Variants in TUBGCP5 observed in about 807,000 individuals in gnomAD.
TUBGCP5 encodes tubulin gamma complex component 5.
A neutral mutation model predicts 134.7 loss-of-function variants in TUBGCP5; 98 were observed. That is an observed-to-expected ratio of 0.73 (90% CI 0.62 to 0.86). The LOEUF (loss-of-function observed/expected upper bound fraction) is 0.86. Among genes scored for constraint, TUBGCP5 ranks in the 40% least tolerant of loss-of-function variants. TUBGCP5 has a pLI of 0.00. For synonymous variants in TUBGCP5, 456 were observed against 431.4 expected (o/e 1.06, Z -0.71); for missense variants, 1,150 against 1,244.8 (o/e 0.92, Z 1.15).
intron 22 of TUBGCP5, chr15:23,000,306 C>A (rs2064296472): frequency 7.9e-7 from 1 of 1,270,556 alleles, no homozygotes; most frequent in South Asian, 3.2e-5. Context: ...GAAATCTATT[C>A]TGCCATCAAC....
Position 23,011,217 on chromosome 15 carries a change from T to C in TUBGCP5, c.1871A>G (p.Asn624Ser), listed in dbSNP as rs752508968. 6.2e-6 allele frequency: 10 copies of C among 1,613,960 alleles called. No homozygotes were observed. The East Asian group carries it at 2.0e-4, about 32-fold the overall frequency. Reference sequence around the variant, plus strand: ...AGCAATGGACTGCATCTTCATCAGGTTCTCCTTGGTTGCCTGTTGCTCAGT... The same window carrying C: ...AGCAATGGACTGCATCTTCATCAGGCTCTCCTTGGTTGCCTGTTGCTCAGT... ...VLTEQQATKE[N>S]LMKMQSIAES... Residue 624 changes from asparagine to serine, a missense_variant, in exon 14 of 23, where the codon AAC becomes AGC. By Grantham distance (46) the Asn-to-Ser change is conservative (BLOSUM62 1). This residue lies in a region of TUBGCP5 where 697 missense variants were observed against 850.1 expected (regional missense o/e 0.82). Coordinates refer to ENST00000615383, the MANE Select transcript of TUBGCP5 (RefSeq NM_052903.6).
chr15:22,991,577 G>A (rs1233878674), intron 23 of TUBGCP5, among the ~76,000 whole-genome samples: 1 of 152,146 alleles, frequency 6.6e-6, no homozygotes, highest in East Asian at 1.9e-4. Context: ...TGGCTCACAC[G>A]TGTTGTGGGT....
chr15:23,027,639 G>A (rs369615646), intron 6 of TUBGCP5, among the ~76,000 whole-genome samples: 11 of 151,918 alleles, frequency 7.2e-5, no homozygotes, highest in South Asian at 2.1e-4. Flanking sequence ...GCTTGTTCTC[G>A]GGAGGCTGAC....
At chr15:23,032,059 T>G (rs756240372) in intron 4 of TUBGCP5, 30 bp from the exon 5 acceptor site, 1 of 1,548,122 alleles carries the variant, frequency 6.5e-7, no homozygotes, top group Non-Finnish European at 8.9e-7. Context: ...CTTCATTGGC[T>G]TTATTATATC....
chr15:23,007,964 G>C (rs182377430), intron 16 of TUBGCP5, among the ~76,000 whole-genome samples: 1 of 152,278 alleles, frequency 6.6e-6, no homozygotes, highest in African/African-American at 2.4e-5. Context: ...CATTCTCTAG[G>C]AGGCAGGACT....
intron 3 of TUBGCP5, among the ~76,000 whole-genome samples, chr15:23,036,150 C>T (rs2066576440): frequency 6.6e-6 from 1 of 152,176 alleles, no homozygotes; most frequent in African/African-American, 2.4e-5. Flanking sequence ...GGTTTGACCT[C>T]TAGGGGGCTA....
intron 23 of TUBGCP5, among the ~76,000 whole-genome samples, chr15:22,992,860 C>T (rs1021881559): frequency 9.9e-5 from 15 of 151,892 alleles, no homozygotes; most frequent in Non-Finnish European, 2.1e-4. Flanking sequence ...TGAGATTTTC[C>T]AAACAAAGTA....
intron 3 of TUBGCP5, among the ~76,000 whole-genome samples, chr15:23,035,346 A>G (rs1031978004): frequency 1.3e-5 from 2 of 151,666 alleles, no homozygotes; most frequent in Non-Finnish European, 2.9e-5. Flanking sequence ...AAAAAAGAAA[A>G]AAAGTGTGAA....
chr15:22,988,994 C>A (rs2063769697), intron 23 of TUBGCP5, among the ~76,000 whole-genome samples: 1 of 152,004 alleles, frequency 6.6e-6, no homozygotes, highest in Admixed American at 6.6e-5. Flanking sequence ...CTTTTTCTGT[C>A]CTCAAAGCCC....
intron 3 of TUBGCP5, among the ~76,000 whole-genome samples, chr15:23,034,037 G>C (rs959451019): frequency 6.6e-6 from 1 of 152,212 alleles, no homozygotes; most frequent in Non-Finnish European, 1.5e-5. Context: ...GCCTTGGCCA[G>C]CTTGTGGTAA....
downstream of TUBGCP5, among the ~76,000 whole-genome samples, chr15:22,997,426 C>G (rs1287171350): frequency 1.3e-5 from 2 of 151,696 alleles, no homozygotes; most frequent in Non-Finnish European, 2.9e-5. Flanking sequence ...GTGATCCACC[C>G]ACCTTGACCT....
rs548800631 is a variant in TUBGCP5 at position 23,028,978 on chromosome 15, A to T, written c.623-1672T>A. ...CATATACGGACAACTTACAGAAAGC[A>T]ATATTATTTCTTCTACATCAGGAAT... On this transcript the variant is annotated intron_variant, in intron 6 of 22. Transcript: ENST00000615383. 2.0e-5 allele frequency among the ~76,000 whole-genome samples: 3 copies of T among 152,324 alleles called. No individual in the cohort carries two copies. In the East Asian group the frequency reaches 5.8e-4, roughly 29 times the overall value.
intron 13 of TUBGCP5, among the ~76,000 whole-genome samples, chr15:23,012,130 A>G (rs2065072527): frequency 6.6e-6 from 1 of 151,760 alleles, no homozygotes; most frequent in Non-Finnish European, 1.5e-5. Context: ...AAAAAAAAAA[A>G]AAAAGAGTAA....
chr15:23,037,668 T>C (rs2066673974), intron 1 of TUBGCP5, among the ~76,000 whole-genome samples: 1 of 152,186 alleles, frequency 6.6e-6, no homozygotes, highest in Non-Finnish European at 1.5e-5. Context: ...TTAACTACCA[T>C]TAAAGTAACA....
At chr15:22,995,018 C>T (rs1282397137), downstream of TUBGCP5, among the ~76,000 whole-genome samples, 2 of 152,022 alleles carry the variant, frequency 1.3e-5, no homozygotes, top group South Asian at 2.1e-4. Flanking sequence ...CCCAGGTGGA[C>T]GGATCACTCG....
At chr15:23,034,630 G>C (rs1248677614) in intron 3 of TUBGCP5, among the ~76,000 whole-genome samples, 4 of 151,868 alleles carry the variant, frequency 2.6e-5, no homozygotes, top group Non-Finnish European at 1.5e-5. Flanking sequence ...GAACCAAGGT[G>C]GGCAGATCAC....
In TUBGCP5 at chr15:23,022,103, G is replaced by A. The variant is rs1267292175; in HGVS notation, c.1227C>T (p.Leu409=). 6.8e-6 allele frequency: 11 copies of A among 1,614,058 alleles called. No homozygotes were observed. The South Asian group carries it at 7.7e-5, about 11-fold the overall frequency. ...VDKLAPRLSQ[L]KVLHKVFSTG... Reference sequence around the variant, plus strand: ...TACTAAACACTTTGTGCAGAACCTTGAGCTGAGACAATCGAGGTGCCAACT... The same window carrying A: ...TACTAAACACTTTGTGCAGAACCTTAAGCTGAGACAATCGAGGTGCCAACT... The change falls in exon 11 of 23, where the codon CTC becomes CTT. Residue 409 remains leucine (L), a synonymous_variant. Coordinates refer to ENST00000615383, the MANE Select transcript of TUBGCP5 (RefSeq NM_052903.6).
rs2064943841 is a variant in TUBGCP5 at position 23,010,016 on chromosome 15, G to A, written c.2073C>T (p.Leu691=). 6.2e-7 allele frequency: 1 copy of A among 1,614,108 alleles called. No individual in the cohort carries two copies. The highest frequency in any genetic ancestry group is 8.5e-7 in the Non-Finnish European group (1 of 1,180,026). ...GATACTGCTTGTCAATATGAGGATA[G>A]AGGCAGGATCTCAGCGTTAATTCAA... ...QTFELTLRSC[L]YPHIDKQYLD... is the part of the protein sequence containing the mutation. Residue 691 remains leucine (L), a synonymous_variant, in exon 15 of 23, where the codon CTC becomes CTT. Transcript: ENST00000615383.
rs1340870344 is a variant in TUBGCP5 at position 23,011,247 on chromosome 15, A to C, written c.1841T>G (p.Val614Gly). 6.2e-7 allele frequency: 1 copy of C among 1,613,932 alleles called. No homozygotes were observed. Among genetic ancestry groups the C allele is most frequent in the South Asian group, 1.1e-5 (1 of 91,084 alleles). The change falls in exon 14 of 23, where the codon GTT (valine) becomes GGT (glycine). Residue 614 changes from valine (V) to glycine (G), a missense_variant. Transcript: ENST00000615383. Reference protein sequence around the residue: ...LRHGEDSTPQVLTEQQATKEN... With the variant: ...LRHGEDSTPQGLTEQQATKEN... ...CTTGGTTGCCTGTTGCTCAGTAAGA[A>C]CCTGTGGAGTGGAATCTTCTCCATG...
Sources: allele counts gnomAD v4.1 joint callset (sites outside exome capture counted in the v4.1 genomes callset), GRCh38; gene constraint gnomAD v4.1.1; regional missense constraint gnomAD v4.1.1; transcripts MANE v1.5; gene names NCBI Gene and HGNC (gene_info 2026-07-23, HGNC 2026-07-21).